TENM2: variants seen among roughly 807,000 people sequenced by gnomAD.
TENM2 encodes the protein teneurin transmembrane protein 2, also known as teneurin-2.
Under a neutral mutation model 245.2 loss-of-function variants are expected in TENM2, and 52 were observed. The ratio of observed to expected loss-of-function variants is 0.21; its 90% CI spans 0.17 to 0.27. The LOEUF (loss-of-function observed/expected upper bound fraction) is 0.27. TENM2 is among the 10% of genes least tolerant of loss of function. The pLI, the probability that TENM2 is intolerant of heterozygous loss-of-function variation, is 1.00. For missense variants in TENM2, 3,046 were observed against 3,666.8 expected (o/e 0.83, Z 4.37); for synonymous variants, 1,363 against 1,438.9 (o/e 0.95, Z 1.19).
In TENM2 at chr5:167,592,361, C is replaced by T. The variant is rs539000553; in HGVS notation, c.502+216888C>T. ...AAGAGAAGCCCCAGCTCAGCAAGAG[C>T]GGTGTGGAAATGTTGGTAAACCCCT... is the stretch of plus-strand genomic sequence containing the variant. On this transcript the variant is annotated intron_variant, in intron 2 of 28. Transcript: ENST00000518659. Among the ~76,000 whole-genome samples the T allele has an allele frequency of 3.5e-4, 53 of 152,100 alleles. 1 individual carries two copies. The highest frequency in any genetic ancestry group is 2.1e-4 in the South Asian group (1 of 4,822).
At chr5:168,118,822 CTTTCT>C (rs1795273802) in intron 10 of TENM2, among the ~76,000 whole-genome samples, 1 of 152,096 alleles carries the variant, frequency 6.6e-6, no homozygotes, top group East Asian at 1.9e-4. Context: ...CCTTCCTTCT[CTTTCT>C]TTTCCTCTTT....
chr5:168,104,769 C>T (rs1794112759), intron 9 of TENM2, among the ~76,000 whole-genome samples: 1 of 151,990 alleles, frequency 6.6e-6, no homozygotes, highest in Admixed American at 6.5e-5. Flanking sequence ...TCTCGGGGGC[C>T]CTGAGAGGAT....
intron 1 of TENM2, among the ~76,000 whole-genome samples, chr5:167,316,052 A>G (rs1756344853): frequency 6.6e-6 from 1 of 152,154 alleles, no homozygotes; most frequent in Admixed American, 6.5e-5. Flanking sequence ...TCTCTATAAA[A>G]TATAAAGTTC....
chr5:167,489,965 A>C (rs1488087101), intron 2 of TENM2, among the ~76,000 whole-genome samples: 1 of 152,172 alleles, frequency 6.6e-6, no homozygotes, highest in African/African-American at 2.4e-5. Context: ...AACTTCAATT[A>C]TTAACTAATA....
At chr5:167,828,667 A>G (rs1322132688) in intron 2 of TENM2, among the ~76,000 whole-genome samples, 1 of 152,204 alleles carries the variant, frequency 6.6e-6, no homozygotes, top group Non-Finnish European at 1.5e-5. Flanking sequence ...GAAAAAATAT[A>G]TTTATTTTTC....
chr5:167,617,526 A>G (rs1777868416), intron 2 of TENM2, among the ~76,000 whole-genome samples: 1 of 152,162 alleles, frequency 6.6e-6, no homozygotes, highest in Non-Finnish European at 1.5e-5. Flanking sequence ...ATTGATCTCT[A>G]TTTGATCTAC....
intron 2 of TENM2, among the ~76,000 whole-genome samples, chr5:167,595,462 G>T (rs1776140469): frequency 6.6e-6 from 1 of 152,172 alleles, no homozygotes; most frequent in Non-Finnish European, 1.5e-5. Context: ...TTTTTGACAT[G>T]AAGTCTAACC....
intron 2 of TENM2, among the ~76,000 whole-genome samples, chr5:167,461,737 G>A (rs1173322271): frequency 6.6e-6 from 1 of 151,948 alleles, no homozygotes; most frequent in Non-Finnish European, 1.5e-5. Flanking sequence ...ATAAACATAT[G>A]GCATAAAACA....
intron 25 of TENM2, among the ~76,000 whole-genome samples, chr5:168,235,487 A>T (rs1765349158): frequency 6.6e-6 from 1 of 152,174 alleles, no homozygotes; most frequent in Non-Finnish European, 1.5e-5. Flanking sequence ...TACCTTAGCA[A>T]GGAGATAATA....
chr5:167,915,141 T>C (rs1419026041), intron 3 of TENM2, among the ~76,000 whole-genome samples: 2 of 152,064 alleles, frequency 1.3e-5, no homozygotes, highest in African/African-American at 4.8e-5. Flanking sequence ...TCACTCCCGA[T>C]TGGGATGAGA....
chr5:168,100,924 T>TA (rs11307488), intron 9 of TENM2, among the ~76,000 whole-genome samples: 46,269 of 138,324 alleles, frequency 0.33, 8,288 homozygotes, highest in East Asian at 0.61. Flanking sequence ...CAAGTATAAT[T>TA]AAAAAAAAAA....
chr5:167,642,873 G>A (rs1017357232), intron 2 of TENM2, among the ~76,000 whole-genome samples: 3 of 152,172 alleles, frequency 2.0e-5, no homozygotes, highest in Non-Finnish European at 2.9e-5. Flanking sequence ...GTGAGAAAGG[G>A]GAACAGTGCA....
At chr5:167,617,003 T>C (rs1172316761) in intron 2 of TENM2, among the ~76,000 whole-genome samples, 1 of 152,150 alleles carries the variant, frequency 6.6e-6, no homozygotes, top group Non-Finnish European at 1.5e-5. Flanking sequence ...AACTTTCAGT[T>C]TAAAGCTTTG....
exon 11 of TENM2, chr5:168,124,864 C>T: frequency 6.2e-7 from 1 of 1,611,470 alleles, no homozygotes; most frequent in Non-Finnish European, 8.5e-7. Context: ...TTGCTTGGAT[C>T]CCACCTGCTC....
At chr5:167,477,574 A>G (rs1221268548) in intron 2 of TENM2, among the ~76,000 whole-genome samples, 1 of 152,216 alleles carries the variant, frequency 6.6e-6, no homozygotes, top group African/African-American at 2.4e-5. Flanking sequence ...AAATGTTGTT[A>G]TCTACAAAAT....
intron 23 of TENM2, among the ~76,000 whole-genome samples, chr5:168,219,915 T>C (rs758486481): frequency 3.2e-4 from 48 of 151,468 alleles, no homozygotes; most frequent in Non-Finnish European, 4.9e-4. Flanking sequence ...CAATGTTTAC[T>C]TCCTGTTTGT....
At chr5:167,217,844 G>A in the TENM2 span, among the ~76,000 whole-genome samples, 2 of 151,306 alleles carry the variant, frequency 1.3e-5, no homozygotes, top group Non-Finnish European at 2.9e-5. Flanking sequence ...CATAGAAGCC[G>A]ACTATGAGAC....
chr5:167,690,654 C>G (rs1224130723), intron 2 of TENM2, among the ~76,000 whole-genome samples: 3 of 152,066 alleles, frequency 2.0e-5, no homozygotes, highest in Admixed American at 1.3e-4. Context: ...CAAACTTCAG[C>G]CATTTTCCAT....
the TENM2 span, among the ~76,000 whole-genome samples, chr5:167,134,472 T>G: frequency 6.6e-6 from 1 of 152,256 alleles, no homozygotes; most frequent in Admixed American, 6.5e-5. Flanking sequence ...TTATTGGCAG[T>G]AGATTGTTAC....
Sources: allele counts gnomAD v4.1 joint callset (sites outside exome capture counted in the v4.1 genomes callset), GRCh38; gene constraint gnomAD v4.1.1; transcripts MANE v1.5; gene names NCBI Gene and HGNC (gene_info 2026-07-23, HGNC 2026-07-21).